Variants in FGF12 observed in about 807,000 individuals in gnomAD.
FGF12 encodes fibroblast growth factor 12.
FGF12 carries 14 observed loss-of-function variants against 23.6 expected under a neutral mutation model. The observed-to-expected ratio is 0.59, with a 90% CI of 0.39 to 0.93. FGF12 has a LOEUF of 0.93. FGF12 is among the 40% of genes least tolerant of loss of function. The probability of loss-of-function intolerance (pLI) is 0.00; values close to 1 mark genes in which losing one functional copy is unlikely to be tolerated. For synonymous variants in FGF12, 62 were observed against 77.3 expected (o/e 0.80, Z 1.04); for missense variants, 175 against 217.8 (o/e 0.80, Z 1.24).
intron 2 of FGF12, among the ~76,000 whole-genome samples, chr3:192,609,924 G>C (rs1432568709): frequency 6.6e-6 from 1 of 152,078 alleles, no homozygotes; most frequent in Admixed American, 6.6e-5. Flanking sequence ...ATTTGTACCT[G>C]AGCATAAGCA....
At chr3:192,215,942 T>A (rs1230140110) in intron 4 of FGF12, among the ~76,000 whole-genome samples, 1 of 152,184 alleles carries the variant, frequency 6.6e-6, no homozygotes, top group East Asian at 1.9e-4. Flanking sequence ...TCTCTATGCA[T>A]CCCACTATCT....
At chr3:192,552,972 G>A (rs1711597637) in intron 2 of FGF12, among the ~76,000 whole-genome samples, 1 of 152,002 alleles carries the variant, frequency 6.6e-6, no homozygotes, top group Non-Finnish European at 1.5e-5. Context: ...CAGCTGTAAA[G>A]TACTGAAAGT....
At chr3:192,471,846 C>A (rs935521832) in intron 2 of FGF12, among the ~76,000 whole-genome samples, 1 of 152,114 alleles carries the variant, frequency 6.6e-6, no homozygotes, top group Non-Finnish European at 1.5e-5. Context: ...TTCAAGGATA[C>A]ATGATTTTAA....
intron 2 of FGF12, among the ~76,000 whole-genome samples, chr3:192,564,001 C>T (rs1220882156): frequency 1.3e-5 from 2 of 151,988 alleles, no homozygotes; most frequent in Non-Finnish European, 2.9e-5. Flanking sequence ...TATTAGGAGG[C>T]ACCAAGGCTT....
At chr3:192,159,500 C>T (rs1233769670) in intron 5 of FGF12, among the ~76,000 whole-genome samples, 2 of 152,154 alleles carry the variant, frequency 1.3e-5, no homozygotes, top group African/African-American at 4.8e-5. Context: ...CATTCATTTT[C>T]TTAGCAGTGT....
intron 4 of FGF12, among the ~76,000 whole-genome samples, chr3:192,233,725 G>A (rs1353857258): frequency 6.6e-6 from 1 of 151,914 alleles, no homozygotes; most frequent in Non-Finnish European, 1.5e-5. Flanking sequence ...TTTGTATATG[G>A]TAGAAGGAAG....
intron 2 of FGF12, among the ~76,000 whole-genome samples, chr3:192,620,240 ACGCG>A (rs68096515): frequency 4.3e-5 from 3 of 69,292 alleles, no homozygotes; most frequent in South Asian, 3.9e-4. Context: ...TTACACACAC[ACGCG>A]CGCGCGCGCG....
intron 4 of FGF12, among the ~76,000 whole-genome samples, chr3:192,227,471 T>G (rs376818274): frequency 6.6e-6 from 1 of 151,762 alleles, no homozygotes; most frequent in African/African-American, 2.4e-5. Context: ...CTTCCTCATA[T>G]TTCCCTTTAT....
At chr3:192,347,816 T>G (rs1261563529) in intron 3 of FGF12, among the ~76,000 whole-genome samples, 1 of 152,158 alleles carries the variant, frequency 6.6e-6, no homozygotes. Flanking sequence ...CAGTCAGCAT[T>G]GATTTCCCCT....
At chr3:192,321,778 T>C (rs73066562) in intron 4 of FGF12, among the ~76,000 whole-genome samples, 117 of 152,130 alleles carry the variant, frequency 7.7e-4, no homozygotes, top group African/African-American at 2.7e-3. Flanking sequence ...CCTTTCATGA[T>C]CAAAACCCTA....
chr3:192,647,010 C>T lies in FGF12; in HGVS notation c.13+80171G>A, dbSNP rs544889208. 3.8e-4 allele frequency among the ~76,000 whole-genome samples: 58 copies of T among 151,998 alleles called. No homozygotes were observed. In the South Asian group the frequency reaches 0.01, roughly 27 times the overall value. ...TTTTACCAGAATTAATTTTGAAAAC[C>T]GATATTGTCTTCAACGAGTTGTGGC... On this transcript the variant is annotated intron_variant, in intron 2 of 5. Transcript: ENST00000445105.
At chr3:192,595,911 G>A (rs896045343) in intron 2 of FGF12, among the ~76,000 whole-genome samples, 4 of 151,736 alleles carry the variant, frequency 2.6e-5, no homozygotes, top group Non-Finnish European at 5.9e-5. Flanking sequence ...TGACCAACAT[G>A]GTGAAACCCT....
intron 2 of FGF12, among the ~76,000 whole-genome samples, chr3:192,723,862 T>A (rs13092674): frequency 0.092 from 10,190 of 111,324 alleles, 503 homozygotes; most frequent in East Asian, 0.23. Flanking sequence ...TGTGTGTGTG[T>A]GAGAGAGAGA....
intron 2 of FGF12, among the ~76,000 whole-genome samples, chr3:192,435,212 G>A (rs1399580532): frequency 6.6e-6 from 1 of 152,076 alleles, no homozygotes; most frequent in Admixed American, 6.6e-5. Context: ...CTGTGAAGTT[G>A]GGGGAATATT....
chr3:192,563,878 T>C (rs1246148729), intron 2 of FGF12, among the ~76,000 whole-genome samples: 2 of 152,172 alleles, frequency 1.3e-5, no homozygotes, highest in Non-Finnish European at 1.5e-5. Flanking sequence ...ATTAAATTCA[T>C]TAATTCAAAT....
intron 2 of FGF12, among the ~76,000 whole-genome samples, chr3:192,672,190 C>G (rs190990963): frequency 7.1e-6 from 1 of 141,312 alleles, no homozygotes; most frequent in East Asian, 1.9e-4. Flanking sequence ...GTGAGAAGAG[C>G]CTGGGGTGGG....
intron 4 of FGF12, among the ~76,000 whole-genome samples, chr3:192,300,446 A>G (rs1016300389): frequency 6.6e-6 from 1 of 152,132 alleles, no homozygotes; most frequent in Non-Finnish European, 1.5e-5. Flanking sequence ...GCCCAATATT[A>G]CAATCCTGGA....
At chr3:192,281,692 T>C (rs1372042499) in intron 4 of FGF12, among the ~76,000 whole-genome samples, 1 of 152,074 alleles carries the variant, frequency 6.6e-6, no homozygotes, top group African/African-American at 2.4e-5. Flanking sequence ...TTTTCAGCGA[T>C]CTCAAAGGAC....
At chr3:192,273,467 G>C (rs899202604) in intron 4 of FGF12, among the ~76,000 whole-genome samples, 1 of 152,180 alleles carries the variant, frequency 6.6e-6, no homozygotes. Flanking sequence ...AGAGAGTCCT[G>C]CATGCTAGGC....
Sources: allele counts gnomAD v4.1 joint callset (sites outside exome capture counted in the v4.1 genomes callset), GRCh38; gene constraint gnomAD v4.1.1; transcripts MANE v1.5; gene names NCBI Gene and HGNC (gene_info 2026-07-23, HGNC 2026-07-21).